RBMS2: variants seen among roughly 807,000 people sequenced by gnomAD.
RBMS2 encodes the protein RNA-binding motif, single-stranded-interacting protein 2.
In RBMS2, 38 loss-of-function variants were observed where a neutral mutation model predicts 58.4. That is an observed-to-expected ratio of 0.65 (90% confidence interval 0.50 to 0.85). RBMS2 has a LOEUF of 0.85. Among genes scored for constraint, RBMS2 ranks in the 40% least tolerant of loss-of-function variants. RBMS2 has a pLI of 0.00. For missense variants in RBMS2, 367 were observed against 503.7 expected, an observed-to-expected ratio of 0.73 and a Z score of 2.60; for synonymous variants, 151 against 180.7, an observed-to-expected ratio of 0.84 and a Z score of 1.32.
intron 3 of RBMS2, 63 bp downstream of exon 3, chr12:56,569,096 G>A: frequency 7.1e-7 from 1 of 1,415,282 alleles, no homozygotes; most frequent in Non-Finnish European, 1.0e-6. Context: ...CCTTGACACT[G>A]CCCTTTACTG....
chr12:56,576,140 C>G (rs141011069), intron 5 of RBMS2, among the ~76,000 whole-genome samples: 1 of 151,976 alleles, frequency 6.6e-6, no homozygotes, highest in Non-Finnish European at 1.5e-5. Context: ...GAGGTCAAGA[C>G]CAGCCTGGTC....
Position 56,562,601 on chromosome 12 carries a change from T to C in RBMS2, c.233+18T>C. The C allele has an allele frequency of 6.2e-7, 1 of 1,607,378 alleles. No homozygotes were observed. The highest frequency in any genetic ancestry group is 8.5e-7 in the Non-Finnish European group (1 of 1,173,968). Reference sequence around the variant, plus strand: ...TGTCAGCCGTAAGTTGGAGTACATGTGCGTAGGCTTCCAGGGACAGTATAG... The same window carrying C: ...TGTCAGCCGTAAGTTGGAGTACATGCGCGTAGGCTTCCAGGGACAGTATAG... On this transcript the variant is annotated intron_variant, in intron 2 of 13. Coordinates refer to ENST00000262031, the MANE Select transcript of RBMS2 (RefSeq NM_002898.4).
intron 1 of RBMS2, among the ~76,000 whole-genome samples, chr12:56,543,249 G>A (rs1253852163): frequency 2.0e-5 from 3 of 151,888 alleles, no homozygotes; most frequent in African/African-American, 4.8e-5. Context: ...TTGGGAGGCC[G>A]AGGCGGGTGG....
At chr12:56,546,697 G>GGCCTCAAATGATCCGACT (rs1189992150) in intron 1 of RBMS2, among the ~76,000 whole-genome samples, 1 of 151,750 alleles carries the variant, frequency 6.6e-6, no homozygotes, top group African/African-American at 2.4e-5. Context: ...TTAAACTCCT[G>GGCCTCAAATGATCCGACT]GCCTCAAATG....
intron 12 of RBMS2, 132 bp downstream of exon 12, chr12:56,588,506 C>T (rs2470385): frequency 0.96 from 807,068 of 838,110 alleles, 388,812 homozygotes; most frequent in East Asian, 1. Flanking sequence ...ATACGAAGAA[C>T]GTAGGAAGGA....
chr12:56,568,676 A>G (rs1881781972), intron 2 of RBMS2, among the ~76,000 whole-genome samples: 1 of 151,612 alleles, frequency 6.6e-6, no homozygotes, highest in South Asian at 2.1e-4. Context: ...AGCTGGGACT[A>G]CTGGCGTGAC....
intron 1 of RBMS2, among the ~76,000 whole-genome samples, chr12:56,542,296 C>G (rs1166679941): frequency 1.3e-5 from 2 of 151,916 alleles, no homozygotes; most frequent in African/African-American, 4.8e-5. Flanking sequence ...AACTCCTGGG[C>G]TCAAGGGATC....
At position 56,557,348 on chromosome 12, in the gene RBMS2, C is replaced by A. The variant is rs540556695; in HGVS notation, c.67-5069C>A. Among the ~76,000 whole-genome samples, 21 of 152,240 alleles carry A rather than the reference C, an allele frequency of 1.4e-4. No homozygotes were observed. In the South Asian group the frequency reaches 4.4e-3, roughly 32 times the overall value. On this transcript the variant is annotated intron_variant, in intron 1 of 13. Transcript: ENST00000262031. ...GGGGCTTTCTTAACCATTTCTCCCC[C>A]CTTGTATTCTCTTACCCTTAAAAGT... is the stretch of plus-strand genomic sequence containing the variant.
intron 3 of RBMS2, 53 bp downstream of exon 3, chr12:56,569,086 C>A: frequency 6.8e-7 from 1 of 1,480,162 alleles, no homozygotes; most frequent in East Asian, 2.3e-5. Context: ...TGAGGCCATC[C>A]CTTGACACTG....
intron 5 of RBMS2, among the ~76,000 whole-genome samples, chr12:56,577,450 A>G (rs1883297902): frequency 6.9e-6 from 1 of 144,020 alleles, no homozygotes; most frequent in African/African-American, 2.7e-5. Flanking sequence ...TAAAATGTTC[A>G]TACAAAATTA....
intron 9 of RBMS2, among the ~76,000 whole-genome samples, chr12:56,584,098 G>A (rs1884338920): frequency 6.6e-6 from 1 of 152,170 alleles, no homozygotes; most frequent in Non-Finnish European, 1.5e-5. Flanking sequence ...TGCTGGTCCA[G>A]GGACCATAGT....
intron 5 of RBMS2, among the ~76,000 whole-genome samples, chr12:56,577,206 C>A (rs1883251426): frequency 1.3e-5 from 2 of 151,984 alleles, no homozygotes; most frequent in East Asian, 3.9e-4. Flanking sequence ...GAGTTCGAGA[C>A]CAGCCTGGTC....
chr12:56,541,417 C>T (rs1322974637), intron 1 of RBMS2, among the ~76,000 whole-genome samples: 1 of 152,046 alleles, frequency 6.6e-6, no homozygotes, highest in Non-Finnish European at 1.5e-5. Flanking sequence ...ACTGGTAGGG[C>T]TGTACTCTAA....
rs930746375 is a variant in RBMS2 at position 56,595,577 on chromosome 12, T to A, written c.*6444T>A. On this transcript the variant is annotated 3_prime_UTR_variant, in exon 14 of 14. Transcript: ENST00000262031. ...TTTGTCTTACTTCACACTTTTTTTT[T>A]TTTAAATAAAACACAAAAGTCTACG... The A allele has an allele frequency of 6.6e-6, 1 of 152,068 alleles. No individual in the cohort carries two copies. The highest frequency in any genetic ancestry group is 2.4e-5 in the African/African-American group (1 of 41,410). The allele number at this position is 152,068 out of a possible 1,614,324, so 9.4% of individuals were successfully genotyped here.
At chr12:56,526,293 T>C (rs919424973) in intron 1 of RBMS2, among the ~76,000 whole-genome samples, 24 of 151,124 alleles carry the variant, frequency 1.6e-4, no homozygotes, top group Middle Eastern at 3.4e-3. Context: ...GGCAACAGAG[T>C]GAGACTCCAT....
intron 1 of RBMS2, among the ~76,000 whole-genome samples, chr12:56,533,924 T>G (rs1017970580): frequency 6.6e-6 from 1 of 151,834 alleles, no homozygotes; most frequent in African/African-American, 2.4e-5. Flanking sequence ...TAACTATATT[T>G]TATCTTATTT....
chr12:56,546,222 A>AT (rs1344539379), intron 1 of RBMS2, among the ~76,000 whole-genome samples: 2 of 150,550 alleles, frequency 1.3e-5, no homozygotes, highest in Admixed American at 6.6e-5. Context: ...GGTTCACGCC[A>AT]TTCTCCTGCC....
intron 3 of RBMS2, among the ~76,000 whole-genome samples, 172 bp downstream of exon 3, chr12:56,569,205 G>A (rs1197485988): frequency 6.6e-6 from 1 of 152,226 alleles, no homozygotes; most frequent in Admixed American, 6.5e-5. Context: ...CAGATAGCTA[G>A]AGCTGAAAAT....
chr12:56,568,939 C>T lies in RBMS2; in HGVS notation c.234-36C>T, dbSNP rs199662161. ...CTCTGTCCTATTCTTAGTCTCTGCCCCCCAGATTATTACTTTGCATTTTCC... is the reference window on the plus strand; with the variant it reads ...CTCTGTCCTATTCTTAGTCTCTGCCTCCCAGATTATTACTTTGCATTTTCC... On this transcript the variant is annotated intron_variant, in intron 2 of 13. Transcript: ENST00000262031. The T allele has an allele frequency of 2.1e-5, 33 of 1,540,074 alleles. No individual in the cohort carries two copies. The Middle Eastern group carries it at 5.0e-4, about 24-fold the overall frequency.
Sources: gnomAD v4.1 joint callset for allele counts (sites outside exome capture counted in the v4.1 genomes callset) on GRCh38, gnomAD v4.1.1 for gene constraint, MANE v1.5 for transcripts, NCBI Gene and HGNC (gene_info 2026-07-23, HGNC 2026-07-21) for gene names.